Variants in HELZ observed in about 807,000 individuals in gnomAD.
HELZ encodes the protein helicase with zinc finger, also known as ATP-dependent RNA helicase with zinc finger domain.
HELZ carries 23 observed loss-of-function variants against 218.2 expected under a neutral mutation model. The observed-to-expected ratio is 0.11, with a 90% confidence interval of 0.08 to 0.15. The LOEUF (loss-of-function observed/expected upper bound fraction) is 0.15, where lower values mean the gene tolerates loss of function less well. Among genes scored for constraint, HELZ ranks in the 10% least tolerant of loss-of-function variants. HELZ has a pLI of 1.00. For missense variants in HELZ, 1,813 were observed against 2,353.7 expected (o/e 0.77, Z 4.75); for synonymous variants, 814 against 829.4 (o/e 0.98, Z 0.32).
chr17:67,220,048 C>T (rs971832291), intron 3 of HELZ, among the ~76,000 whole-genome samples: 1 of 152,214 alleles, frequency 6.6e-6, no homozygotes, highest in African/African-American at 2.4e-5. Flanking sequence ...TCTCTCTCTC[C>T]TGCTCCTCCC....
At position 67,195,422 on chromosome 17, in the gene HELZ, C is replaced by T; in HGVS notation, c.478G>A (p.Glu160Lys). Residue 160 changes from glutamate to lysine, a missense_variant, in exon 8 of 33, where the codon GAG becomes AAG. Physicochemically the swap from Glu to Lys is moderately conservative, Grantham distance 56. Transcript: ENST00000358691. ...TTACACAGCATTTGGCACTTACCCT[C>T]ATCTAAGTCTTCCACGTGATATCCA... ...LSGYHVEDLDEGSCNGWHFRP... is the reference protein window; with the variant it reads ...LSGYHVEDLDKGSCNGWHFRP... 1.3e-6 allele frequency: 2 copies of T among 1,591,814 alleles called. No homozygotes were observed. The highest frequency in any genetic ancestry group is 1.7e-6 in the Non-Finnish European group (2 of 1,159,982).
intron 32 of HELZ, among the ~76,000 whole-genome samples, chr17:67,085,362 C>T (rs2036336807): frequency 6.6e-6 from 1 of 152,124 alleles, no homozygotes; most frequent in African/African-American, 2.4e-5. Context: ...GTGAAGGTTG[C>T]AGTGAGCCGA....
chr17:67,071,845 A>G lies in HELZ; in HGVS notation c.*6407T>C, dbSNP rs1215958387. On this transcript the variant is annotated 3_prime_UTR_variant, in exon 33 of 33. Transcript: ENST00000358691. ...TAGGCTGTTTTGCAAACACATATAGATTTTTTTAAAGGTAGCAAAGTAATC... is the reference window on the plus strand; with the variant it reads ...TAGGCTGTTTTGCAAACACATATAGGTTTTTTTAAAGGTAGCAAAGTAATC... The G allele has an allele frequency of 1.3e-5, 2 of 152,552 alleles. No individual in the cohort carries two copies. Among genetic ancestry groups the G allele is most frequent in the East Asian group, 3.8e-4 (2 of 5,200 alleles). 9.4% of individuals were successfully genotyped at this position (152,552 alleles called of 1,614,324 possible).
chr17:67,205,501 G>A (rs2040273544), intron 5 of HELZ, among the ~76,000 whole-genome samples: 1 of 151,922 alleles, frequency 6.6e-6, no homozygotes, highest in African/African-American at 2.4e-5. Context: ...TCCTGCATAA[G>A]TAAGAATTCC....
chr17:67,188,054 G>C lies in HELZ; in HGVS notation c.1162+265C>G, dbSNP rs2039803661. Among the ~76,000 whole-genome samples, 1 of 152,106 alleles carries C rather than the reference G, an allele frequency of 6.6e-6. No individual in the cohort carries two copies. The highest frequency in any genetic ancestry group is 1.9e-4 in the East Asian group (1 of 5,194). ...AACCATCTTACTGTGAAATGAAACT[G>C]GTAGACCAAAACAGGTCTGATCATC... is the stretch of plus-strand genomic sequence containing the variant. On this transcript the variant is annotated intron_variant, in intron 12 of 32. Transcript: ENST00000358691. This position sits in a 1 kb window ranked among gnomAD's most constrained non-coding sequence, Gnocchi z 4.1.
chr17:67,114,875 A>C (rs2037383167), intron 27 of HELZ, among the ~76,000 whole-genome samples: 1 of 152,216 alleles, frequency 6.6e-6, no homozygotes, highest in Non-Finnish European at 1.5e-5. Flanking sequence ...TATACTGCTT[A>C]AAAGTAATAG....
At chr17:67,238,276 G>GGTGGAGCTT (rs2041236238) in intron 3 of HELZ, among the ~76,000 whole-genome samples, 1 of 150,430 alleles carries the variant, frequency 6.6e-6, no homozygotes, top group Non-Finnish European at 1.5e-5. Flanking sequence ...GAACCTGGGA[G>GGTGGAGCTT]GCAGAGGTTG....
At chr17:67,172,231 C>G (rs1260093309) in intron 13 of HELZ, among the ~76,000 whole-genome samples, 1 of 152,144 alleles carries the variant, frequency 6.6e-6, no homozygotes, top group Non-Finnish European at 1.5e-5. Context: ...TCCTTGACTA[C>G]CCTCCTTTTC....
intron 27 of HELZ, 55 bp downstream of exon 27, chr17:67,120,350 T>A (rs2037568951): frequency 7.0e-7 from 1 of 1,433,640 alleles, no homozygotes; most frequent in African/African-American, 1.4e-5. Flanking sequence ...TCTATGTGGC[T>A]AAAACTTTAC....
At chr17:67,124,587 A>G (rs913188711) in intron 24 of HELZ, among the ~76,000 whole-genome samples, 4 of 152,206 alleles carry the variant, frequency 2.6e-5, no homozygotes, top group African/African-American at 9.6e-5. Flanking sequence ...GCTAACTGCT[A>G]GACAGCAATA....
rs1446171149 is a variant in HELZ at position 67,128,774 on chromosome 17, C to T, written c.3264G>A (p.Gln1088=). ...HGITFEQIKA[Q]LEALELKKTY... is the part of the protein sequence containing the mutation. ...TCTTCTTTAGTTCTAAAGCCTCTAA[C>T]TGGGCTTTGATCTGTTCAAAAGTGA... Residue 1088 remains glutamine, a synonymous_variant, in exon 24 of 33, where the codon CAG becomes CAA. Transcript: ENST00000358691. The T allele has an allele frequency of 6.2e-7, 1 of 1,613,754 alleles. No individual in the cohort carries two copies. The highest frequency in any genetic ancestry group is 8.5e-7 in the Non-Finnish European group (1 of 1,179,732).
At chr17:67,171,774 C>G (rs955355580) in intron 13 of HELZ, among the ~76,000 whole-genome samples, 8 of 152,066 alleles carry the variant, frequency 5.3e-5, no homozygotes, top group African/African-American at 1.7e-4. Flanking sequence ...ACTCTATGCT[C>G]TTATTCTCAC....
At chr17:67,214,033 A>C (rs566319337) in intron 5 of HELZ, among the ~76,000 whole-genome samples, 1 of 152,296 alleles carries the variant, frequency 6.6e-6, no homozygotes, top group South Asian at 2.1e-4. Flanking sequence ...AACTAATAAC[A>C]ATAACTTCTT....
Position 67,071,929 on chromosome 17 carries a change from A to AT in HELZ, c.*6322dup, listed in dbSNP as rs1490398370. ...CAGGCTCTCTCTAACACCTGCTGGC[A>AT]TGGCAGAGAATCTAAAATAACTTTG... On this transcript the variant is annotated 3_prime_UTR_variant, in exon 33 of 33. Transcript: ENST00000358691. 1.3e-5 allele frequency: 2 copies of AT among 152,576 alleles called. No individual in the cohort carries two copies. Among genetic ancestry groups the AT allele is most frequent in the African/African-American group, 4.8e-5 (2 of 41,412 alleles). The allele number at this position is 152,576 out of a possible 1,614,324, so 9.5% of individuals were successfully genotyped here.
Position 67,074,206 on chromosome 17 carries a change from C to T in HELZ, c.*4046G>A, listed in dbSNP as rs778938298. 4.7e-5 allele frequency: 7 copies of T among 148,574 alleles called. No homozygotes were observed. Among genetic ancestry groups the T allele is most frequent in the South Asian group, 2.1e-4 (1 of 4,700 alleles). 9.2% of individuals were successfully genotyped at this position (148,574 alleles called of 1,614,324 possible). On this transcript the variant is annotated 3_prime_UTR_variant, in exon 33 of 33. Transcript: ENST00000358691. ...GGGATGGTGAGCAAGAAATAATGTA[C>T]GGTAAATCATAAAAGACAAATTACT...
At chr17:67,139,969 G>A (rs2038272259) in intron 21 of HELZ, among the ~76,000 whole-genome samples, 1 of 152,192 alleles carries the variant, frequency 6.6e-6, no homozygotes, top group Admixed American at 6.5e-5. Context: ...TGGCAGTGCA[G>A]TCCCTCTTTC....
At chr17:67,184,660 T>A (rs1003886869) in intron 12 of HELZ, among the ~76,000 whole-genome samples, 4 of 151,900 alleles carry the variant, frequency 2.6e-5, no homozygotes, top group Non-Finnish European at 4.4e-5. Context: ...TTAATTAACT[T>A]TTTTAATTAG....
chr17:67,226,642 C>T (rs1205100719), intron 3 of HELZ, among the ~76,000 whole-genome samples: 1 of 152,134 alleles, frequency 6.6e-6, no homozygotes, highest in African/African-American at 2.4e-5. Flanking sequence ...ATCCCCTTCG[C>T]CCCTCAGATA....
chr17:67,188,413 T>C lies in HELZ; in HGVS notation c.1068A>G (p.Glu356=), dbSNP rs1233238605. Residue 356 remains glutamate (E), a synonymous_variant, in exon 12 of 33, where the codon GAA becomes GAG. Coordinates refer to ENST00000358691, the MANE Select transcript of HELZ (RefSeq NM_014877.4). The surrounding 1 kb of genome is among the most constrained non-coding windows in gnomAD (Gnocchi z 4.1). ...TGGTTTGGCGAAAAGTTCCAAATAT[T>C]TCTGTGTTAAATGCTATCCCGACTT... The part of the protein sequence containing the change: ...VYKVGIAFNT[E]IFGTFRQTIV... 2 of 1,613,812 alleles carry C rather than the reference T, an allele frequency of 1.2e-6. No homozygotes were observed. Among genetic ancestry groups the C allele is most frequent in the African/African-American group, 1.3e-5 (1 of 74,896 alleles).
Sources: allele counts gnomAD v4.1 joint callset (sites outside exome capture counted in the v4.1 genomes callset), GRCh38; gene constraint gnomAD v4.1.1; non-coding constraint Gnocchi (gnomAD v3.1); transcripts MANE v1.5; gene names NCBI Gene and HGNC (gene_info 2026-07-23, HGNC 2026-07-21).